The following TRABD2A variants were observed in gnomAD, a reference collection of about 807,000 sequenced individuals.
TRABD2A encodes the protein metalloprotease TIKI1.
In TRABD2A, 43 loss-of-function variants were observed where a neutral mutation model predicts 45.6. The observed-to-expected ratio is 0.94, with a 90% CI of 0.74 to 1.22. The LOEUF is 1.22. TRABD2A is among the 50% of genes most tolerant of loss of function. The pLI is 0.00. For missense variants in TRABD2A, 642 were observed against 652.4 expected, an observed-to-expected ratio of 0.98 and a Z score of 0.17; for synonymous variants, 269 against 265.0, an observed-to-expected ratio of 1.02 and a Z score of -0.15.
chr2:84,827,613 C>T (rs958439571), intron 5 of TRABD2A, among the ~76,000 whole-genome samples: 1 of 152,172 alleles, frequency 6.6e-6, no homozygotes, highest in Non-Finnish European at 1.5e-5. Context: ...CATGACCTAG[C>T]CCCTGGAAGC....
At chr2:84,866,146 A>T (rs1455564570) in intron 2 of TRABD2A, among the ~76,000 whole-genome samples, 2 of 152,228 alleles carry the variant, frequency 1.3e-5, no homozygotes, top group African/African-American at 4.8e-5. Context: ...GGCCAGGCAG[A>T]TGAGTTAAAA....
chr2:84,821,706 A>G lies in TRABD2A; in HGVS notation c.*211T>C. On this transcript the variant is annotated 3_prime_UTR_variant, in exon 7 of 7. Transcript: ENST00000409520. ...CTCATTTATAATTTATTTTCACACA[A>G]CTCACTATGTTACAAAACTGTACAC... 4 of 414,840 alleles carry G rather than the reference A, an allele frequency of 9.6e-6. No individual in the cohort carries two copies. The highest frequency in any genetic ancestry group is 1.7e-5 in the Non-Finnish European group (4 of 235,652). 25.7% of individuals were successfully genotyped at this position (414,840 alleles called of 1,614,324 possible). A position where few individuals can be genotyped will look rare whatever the true frequency, so the allele number is the denominator to read the frequency against.
chr2:84,845,168 T>C (rs1461253994), intron 2 of TRABD2A, among the ~76,000 whole-genome samples: 3 of 152,072 alleles, frequency 2.0e-5, no homozygotes, highest in African/African-American at 7.3e-5. Context: ...CTGGCCAACA[T>C]GGTAAAACCC....
intron 2 of TRABD2A, among the ~76,000 whole-genome samples, chr2:84,862,623 T>A (rs933514335): frequency 3.9e-5 from 6 of 152,150 alleles, no homozygotes; most frequent in Non-Finnish European, 8.8e-5. Context: ...TTGGTTTTTT[T>A]TAAGTTCGCT....
chr2:84,861,188 G>T (rs1031014797), intron 2 of TRABD2A, among the ~76,000 whole-genome samples: 1 of 152,162 alleles, frequency 6.6e-6, no homozygotes, highest in Admixed American at 6.5e-5. Flanking sequence ...CCACAGAGCA[G>T]GTGAGGGGTG....
At chr2:84,875,549 G>C (rs1032541364) in intron 1 of TRABD2A, among the ~76,000 whole-genome samples, 1 of 152,196 alleles carries the variant, frequency 6.6e-6, no homozygotes, top group Non-Finnish European at 1.5e-5. Flanking sequence ...GTTTTTGAGA[G>C]AGGAGTGACA....
chr2:84,868,789 T>C (rs1377323796), intron 2 of TRABD2A, among the ~76,000 whole-genome samples: 1 of 152,240 alleles, frequency 6.6e-6, no homozygotes, highest in Non-Finnish European at 1.5e-5. Flanking sequence ...GAAAGAAGGC[T>C]TTGGCTCAGG....
intron 1 of TRABD2A, among the ~76,000 whole-genome samples, chr2:84,872,719 T>C (rs758866169): frequency 6.6e-6 from 1 of 152,236 alleles, no homozygotes; most frequent in Non-Finnish European, 1.5e-5. Context: ...TAGCAAATAC[T>C]AAACTGTTGT....
chr2:84,849,144 C>T (rs1682002003), intron 2 of TRABD2A, among the ~76,000 whole-genome samples: 1 of 152,122 alleles, frequency 6.6e-6, no homozygotes, highest in African/African-American at 2.4e-5. Flanking sequence ...CCCCTACTGT[C>T]CCAACCCAAA....
chr2:84,822,333 C>G (rs1053634198), intron 6 of TRABD2A, among the ~76,000 whole-genome samples: 12 of 152,174 alleles, frequency 7.9e-5, no homozygotes, highest in African/African-American at 2.9e-4. Context: ...GCTAACTGTC[C>G]CTGGCTATTT....
intron 3 of TRABD2A, among the ~76,000 whole-genome samples, chr2:84,840,275 C>G (rs1009068328): frequency 1.3e-5 from 2 of 152,182 alleles, no homozygotes; most frequent in African/African-American, 4.8e-5. Context: ...ATCTTCTACT[C>G]TGTCATCTTT....
chr2:84,876,714 T>G (rs980051448), intron 1 of TRABD2A, among the ~76,000 whole-genome samples: 1 of 152,198 alleles, frequency 6.6e-6, no homozygotes, highest in African/African-American at 2.4e-5. Flanking sequence ...ATATCTTTTT[T>G]CAGTTAATAC....
intron 6 of TRABD2A, among the ~76,000 whole-genome samples, chr2:84,822,606 A>G (rs1446458561): frequency 6.6e-6 from 1 of 152,120 alleles, no homozygotes; most frequent in East Asian, 1.9e-4. Context: ...AGATCTTTCA[A>G]CTCAGCTGAG....
chr2:84,831,740 ACTC>A (rs942552374), intron 5 of TRABD2A, among the ~76,000 whole-genome samples: 78 of 151,502 alleles, frequency 5.1e-4, no homozygotes, highest in African/African-American at 1.8e-3. Flanking sequence ...AAGCCTAATT[ACTC>A]CTCCTTTCCC....
intron 2 of TRABD2A, among the ~76,000 whole-genome samples, chr2:84,854,845 C>CA (rs923479602): frequency 1.3e-5 from 2 of 152,182 alleles, no homozygotes; most frequent in African/African-American, 4.8e-5. Flanking sequence ...CTTGCCCCCC[C>CA]AGAGATCATG....
Position 84,838,350 on chromosome 2 carries a change from G to A in TRABD2A, c.991+799C>T, listed in dbSNP as rs1681589701. The A allele has an allele frequency of 4.5e-6, 3 of 659,850 alleles. No individual in the cohort carries two copies. In the South Asian group the frequency reaches 5.2e-5, roughly 11 times the overall value. The allele number at this position is 659,850 out of a possible 1,614,324, so 40.9% of individuals were successfully genotyped here. On this transcript the variant is annotated intron_variant, in intron 4 of 6. Transcript: ENST00000409520. Reference sequence around the variant, plus strand: ...ATAAACACTTCTAGGATTGTTGCAAGCCTTTAATTAATTTCCAGAGCTGTG... The same window carrying A: ...ATAAACACTTCTAGGATTGTTGCAAACCTTTAATTAATTTCCAGAGCTGTG...
Position 84,824,013 on chromosome 2 carries a change from C to A in TRABD2A, c.1274G>T (p.Arg425Leu). Residue 425 changes from arginine (R) to leucine (L), a missense_variant, in exon 6 of 7, where the codon CGG (arginine) becomes CTG (leucine). Transcript: ENST00000409520. ...AEQRFRKKRR[R>L]SQRRPRLRQF... ...CCGGAGTCGCGGCCTCCGCTGTGAC[C>A]GCCTCCGCTTCTTCCGGAACCTCTG... 6.2e-7 allele frequency: 1 copy of A among 1,613,722 alleles called. No homozygotes were observed. The highest frequency in any genetic ancestry group is 8.5e-7 in the Non-Finnish European group (1 of 1,179,750).
chr2:84,839,159 G>C lies in TRABD2A; in HGVS notation c.981C>G (p.Ala327=). The C allele has an allele frequency of 1.9e-6, 3 of 1,613,898 alleles. No homozygotes were observed. The highest frequency in any genetic ancestry group is 2.5e-6 in the Non-Finnish European group (3 of 1,179,872). The change falls in exon 4 of 7, where the codon GCC becomes GCG. Residue 327 remains alanine (A), a synonymous_variant. Transcript: ENST00000409520. ...EEFPDKGFFF[A]FGAGHFMGNN... ...TGACCCACTACTCACCAGCTCCAAA[G>C]GCAAAGAAGAAGCCTTTGTCAGGGA...
intron 1 of TRABD2A, among the ~76,000 whole-genome samples, chr2:84,873,945 T>C (rs955049097): frequency 2.6e-5 from 4 of 152,192 alleles, no homozygotes; most frequent in African/African-American, 9.7e-5. Context: ...ATTAAACCCA[T>C]GGACACCTGA....
Sources: allele counts gnomAD v4.1 joint callset (sites outside exome capture counted in the v4.1 genomes callset), GRCh38; gene constraint gnomAD v4.1.1; transcripts MANE v1.5; gene names NCBI Gene and HGNC (gene_info 2026-07-23, HGNC 2026-07-21).